ADAMTS17: variants seen among roughly 807,000 people sequenced by gnomAD.
The protein encoded by ADAMTS17 is A disintegrin and metalloproteinase with thrombospondin motifs 17.
A neutral mutation model predicts 141.5 loss-of-function variants in ADAMTS17; 113 were observed. That is an observed-to-expected ratio of 0.80 (90% confidence interval 0.69 to 0.93). ADAMTS17 has a LOEUF of 0.93. Among genes scored for constraint, ADAMTS17 ranks in the 40% least tolerant of loss-of-function variants. The pLI is 0.00. For synonymous variants in ADAMTS17, 768 were observed against 630.6 expected (o/e 1.22, Z -3.27); for missense variants, 1,659 against 1,517.9 (o/e 1.09, Z -1.54).
chr15:100,087,858 T>C (rs1239263537), intron 15 of ADAMTS17, among the ~76,000 whole-genome samples: 3 of 152,190 alleles, frequency 2.0e-5, no homozygotes, highest in Admixed American at 6.5e-5. Flanking sequence ...AAGAGCTATC[T>C]ATGACAAACC....
chr15:100,020,541 C>G (rs2141442747), intron 18 of ADAMTS17, among the ~76,000 whole-genome samples: 1 of 152,322 alleles, frequency 6.6e-6, no homozygotes, highest in East Asian at 1.9e-4. Context: ...CCTGACTCCC[C>G]CAGAGCCATC....
At chr15:100,021,772 C>A (rs893561056) in intron 18 of ADAMTS17, among the ~76,000 whole-genome samples, 1 of 152,200 alleles carries the variant, frequency 6.6e-6, no homozygotes, top group Non-Finnish European at 1.5e-5. Flanking sequence ...CAAGCCTTGT[C>A]GCCCTGGCCC....
At chr15:100,012,193 T>G (rs187676850) in intron 18 of ADAMTS17, among the ~76,000 whole-genome samples, 2 of 152,358 alleles carry the variant, frequency 1.3e-5, no homozygotes, top group Non-Finnish European at 2.9e-5. Context: ...GTATATCTTC[T>G]TTTGAGAACT....
chr15:100,282,073 T>A (rs2044303970), intron 3 of ADAMTS17, among the ~76,000 whole-genome samples: 2 of 152,214 alleles, frequency 1.3e-5, no homozygotes. Context: ...AAAATCTTAC[T>A]TTGATAAACA....
At chr15:100,152,236 A>G (rs1340741601) in intron 10 of ADAMTS17, among the ~76,000 whole-genome samples, 1 of 152,222 alleles carries the variant, frequency 6.6e-6, no homozygotes, top group Admixed American at 6.5e-5. Context: ...GTCAGGCGAC[A>G]GTGTCCTGCG....
intron 12 of ADAMTS17, among the ~76,000 whole-genome samples, chr15:100,124,763 G>A (rs1477589237): frequency 3.5e-5 from 5 of 142,772 alleles, no homozygotes; most frequent in Non-Finnish European, 7.8e-5. Context: ...AGGCTTTGGT[G>A]AGAAACCGAA....
In ADAMTS17 at chr15:100,132,067, A is replaced by G. The variant is rs770984984; in HGVS notation, c.1661T>C (p.Met554Thr). 1.9e-6 allele frequency: 3 copies of G among 1,613,638 alleles called. No individual in the cohort carries two copies. Among genetic ancestry groups the G allele is most frequent in the South Asian group, 2.2e-5 (2 of 91,052 alleles). ...TCCCGTCCCACATGTTCGGCTGCAC[A>G]TGCTCCAGGCGCCCCACGGGCTCCA... Reference protein sequence around the residue: ...GDWSPWGAWSMCSRTCGTGAR... With the variant: ...GDWSPWGAWSTCSRTCGTGAR... The change falls in exon 12 of 22, where the codon ATG (methionine) becomes ACG (threonine). Residue 554 changes from methionine (M) to threonine (T), a missense_variant. Physicochemically the swap from Met to Thr is moderately conservative, Grantham distance 81 (BLOSUM62 -1). Coordinates refer to ENST00000268070, the MANE Select transcript of ADAMTS17 (RefSeq NM_139057.4).
At chr15:100,186,406 A>C (rs2040719839) in intron 8 of ADAMTS17, among the ~76,000 whole-genome samples, 1 of 152,192 alleles carries the variant, frequency 6.6e-6, no homozygotes, top group African/African-American at 2.4e-5. Flanking sequence ...GGTGAAAATG[A>C]AATGCAATCA....
chr15:100,031,245 G>A (rs2030133832), intron 18 of ADAMTS17, among the ~76,000 whole-genome samples: 1 of 152,210 alleles, frequency 6.6e-6, no homozygotes, highest in Non-Finnish European at 1.5e-5. Context: ...TTTCTGGCTA[G>A]CTACCGAACC....
At chr15:100,236,801 G>A (rs546521835) in intron 7 of ADAMTS17, among the ~76,000 whole-genome samples, 1 of 152,238 alleles carries the variant, frequency 6.6e-6, no homozygotes, top group Non-Finnish European at 1.5e-5. Context: ...CTGCACCACT[G>A]CACTCCAGTC....
chr15:100,036,625 C>T (rs1207422774), intron 18 of ADAMTS17, among the ~76,000 whole-genome samples: 5 of 152,196 alleles, frequency 3.3e-5, no homozygotes, highest in African/African-American at 1.2e-4. Context: ...ACTCATATAC[C>T]ACAATGCAAC....
chr15:100,256,047 A>G (rs2141971958), intron 6 of ADAMTS17, among the ~76,000 whole-genome samples: 1 of 152,346 alleles, frequency 6.6e-6, no homozygotes, highest in South Asian at 2.1e-4. Context: ...TCAGAAGAGA[A>G]GCAGCAAGCC....
intron 10 of ADAMTS17, among the ~76,000 whole-genome samples, chr15:100,151,740 C>G (rs905512318): frequency 2.6e-5 from 4 of 152,202 alleles, no homozygotes; most frequent in African/African-American, 9.6e-5. Flanking sequence ...ACCACAGGCT[C>G]CTGGCCTTCC....
At chr15:99,982,211 C>T (rs1034719153) in intron 20 of ADAMTS17, among the ~76,000 whole-genome samples, 6 of 152,236 alleles carry the variant, frequency 3.9e-5, no homozygotes, top group Non-Finnish European at 7.3e-5. Flanking sequence ...ACAGTGAATG[C>T]ACGGCCAAGC....
At chr15:100,303,587 T>A (rs1218392982) in intron 3 of ADAMTS17, among the ~76,000 whole-genome samples, 3 of 152,154 alleles carry the variant, frequency 2.0e-5, no homozygotes, top group African/African-American at 7.2e-5. Context: ...ACTCTGATAG[T>A]TTTAGCTCTT....
chr15:100,256,500 A>G (rs2043331249), intron 6 of ADAMTS17: 1 of 152,230 alleles, frequency 6.6e-6, no homozygotes, highest in African/African-American at 2.4e-5. Flanking sequence ...CCCAGCAGCC[A>G]TGGCCTCACG....
At chr15:100,304,761 C>A (rs935542686) in intron 3 of ADAMTS17, among the ~76,000 whole-genome samples, 2 of 152,150 alleles carry the variant, frequency 1.3e-5, no homozygotes, top group Admixed American at 6.5e-5. Flanking sequence ...GTACAGTTGA[C>A]CCTTGAATAT....
chr15:100,107,745 C>G (rs1276667105), intron 14 of ADAMTS17, among the ~76,000 whole-genome samples: 1 of 152,154 alleles, frequency 6.6e-6, no homozygotes, highest in African/African-American at 2.4e-5. Context: ...GACCCCTCAT[C>G]AGATCCCAAA....
Position 100,011,436 on chromosome 15 carries a change from AAAGGAAAAGAAGGAAGG to A in ADAMTS17, c.2592-13864_2592-13848del, listed in dbSNP as rs1358305957. 6.0e-5 allele frequency among the ~76,000 whole-genome samples: 8 copies of A among 133,308 alleles called. No individual in the cohort carries two copies. In the Middle Eastern group the frequency reaches 0.017, roughly 287 times the overall value. 87.5% of individuals were successfully genotyped at this position (133,308 alleles called of 152,430 possible). ...GGAAAGAAGAAAGGGAGGAATGAGG[AAAGGAAAAGAAGGAAGG>A]AAGGAAAGGAGAGAACAAAGGCAGG... On this transcript the variant is annotated intron_variant, in intron 18 of 21. Transcript: ENST00000268070.
Sources: allele counts gnomAD v4.1 joint callset (sites outside exome capture counted in the v4.1 genomes callset), GRCh38; gene constraint gnomAD v4.1.1; transcripts MANE v1.5; gene names NCBI Gene and HGNC (gene_info 2026-07-23, HGNC 2026-07-21).